The following CDK19 variants were observed in gnomAD, a reference collection of about 807,000 sequenced individuals.
The protein encoded by CDK19 is cyclin-dependent kinase 19.
In CDK19, 20 loss-of-function variants were observed where a neutral mutation model predicts 68.3. That is an observed-to-expected ratio of 0.29 (90% CI 0.21 to 0.43). The LOEUF (loss-of-function observed/expected upper bound fraction) is 0.43, where lower values mean the gene tolerates loss of function less well. CDK19 is among the 20% of genes least tolerant of loss of function. The probability of loss-of-function intolerance (pLI) is 1.00; values close to 1 mark genes in which losing one functional copy is unlikely to be tolerated. For missense variants in CDK19, 339 were observed against 623.5 expected, an observed-to-expected ratio of 0.54 and a Z score of 4.86; for synonymous variants, 221 against 222.8, an observed-to-expected ratio of 0.99 and a Z score of 0.07.
chr6:110,751,540 A>G (rs930931584), intron 1 of CDK19, among the ~76,000 whole-genome samples: 1 of 152,146 alleles, frequency 6.6e-6, no homozygotes, highest in African/African-American at 2.4e-5. Flanking sequence ...TATATACTAC[A>G]GTGTAATAAT....
chr6:110,647,739 C>G (rs1289256606), intron 4 of CDK19, among the ~76,000 whole-genome samples: 1 of 152,126 alleles, frequency 6.6e-6, no homozygotes, highest in African/African-American at 2.4e-5. Context: ...CAATATGATT[C>G]AAACACTGTC....
intron 1 of CDK19, among the ~76,000 whole-genome samples, chr6:110,804,598 G>A (rs892212102): frequency 8.0e-5 from 12 of 150,108 alleles, no homozygotes; most frequent in Admixed American, 1.3e-4. Flanking sequence ...CGCCCACCTC[G>A]GCCTCCCAAA....
intron 1 of CDK19, among the ~76,000 whole-genome samples, chr6:110,792,019 G>A (rs979383919): frequency 4.7e-5 from 7 of 150,484 alleles, no homozygotes; most frequent in Non-Finnish European, 1.5e-5. Context: ...TTGCCAGGCT[G>A]GAGTGCAGTG....
intron 12 of CDK19, among the ~76,000 whole-genome samples, chr6:110,620,207 T>C (rs1778617298): frequency 6.6e-6 from 1 of 152,126 alleles, no homozygotes; most frequent in African/African-American, 2.4e-5. Flanking sequence ...ATTCAAAATG[T>C]GAAGGCAGTT....
chr6:110,622,942 C>T (rs780368269), intron 9 of CDK19, 30 bp from the exon 10 acceptor site: 1 of 1,314,556 alleles, frequency 7.6e-7, no homozygotes, highest in Non-Finnish European at 1.1e-6. Context: ...ATGTACAGCA[C>T]ATGAAAAGGT....
intron 4 of CDK19, chr6:110,646,102 C>T (rs1490543383): frequency 1.1e-6 from 1 of 877,960 alleles, no homozygotes; most frequent in East Asian, 2.6e-5. Context: ...AAGCAAGGCA[C>T]CTCCTTCGAG....
rs371486591 is a variant in CDK19, at chr6:110,734,138, T to C, written c.204+11988A>G. 1.1e-3 allele frequency among the ~76,000 whole-genome samples: 164 copies of C among 152,216 alleles called. 3 individuals carry two copies. In the South Asian group the frequency reaches 0.033, roughly 30 times the overall value. On this transcript the variant is annotated intron_variant, in intron 2 of 12. Coordinates refer to ENST00000368911, the MANE Select transcript of CDK19 (RefSeq NM_015076.5). ...AATTCTCGTGCCTCAGCCTGCCAAG[T>C]AGCTGGGATTACAGGCACCCGCTAC...
intron 1 of CDK19, among the ~76,000 whole-genome samples, chr6:110,801,134 C>T (rs1472813596): frequency 2.6e-5 from 4 of 152,090 alleles, no homozygotes; most frequent in African/African-American, 7.2e-5. Context: ...AAAAATCAAT[C>T]GCATTTCTAT....
At position 110,708,078 on chromosome 6, in the gene CDK19, C is replaced by T. The variant is rs1289033899; in HGVS notation, c.205-37537G>A. 2.0e-5 allele frequency among the ~76,000 whole-genome samples: 3 copies of T among 152,142 alleles called. No individual in the cohort carries two copies. The East Asian group carries it at 5.8e-4, about 29-fold the overall frequency. ...GTGTGTACATCTGCATGATTAACTC[C>T]TTAAGATAAAAATACCCAAAAGAGG... On this transcript the variant is annotated intron_variant, in intron 2 of 12. Transcript: ENST00000368911.
chr6:110,779,808 G>T (rs1780666700), intron 1 of CDK19, among the ~76,000 whole-genome samples: 1 of 152,232 alleles, frequency 6.6e-6, no homozygotes, highest in East Asian at 1.9e-4. Flanking sequence ...AAGGAGGCTG[G>T]GCGCTGTGGC....
At chr6:110,732,181 A>G (rs1396624229) in intron 2 of CDK19, among the ~76,000 whole-genome samples, 1 of 151,912 alleles carries the variant, frequency 6.6e-6, no homozygotes, top group Non-Finnish European at 1.5e-5. Flanking sequence ...CTTCTCACCA[A>G]TTCCTCCATT....
At chr6:110,664,916 T>G (rs147568181) in intron 4 of CDK19, among the ~76,000 whole-genome samples, 3 of 152,178 alleles carry the variant, frequency 2.0e-5, no homozygotes, top group African/African-American at 7.2e-5. Flanking sequence ...ATAAGGGGTT[T>G]TAAGATAGGG....
chr6:110,773,052 A>T (rs1355115405), intron 1 of CDK19, among the ~76,000 whole-genome samples: 3 of 86,522 alleles, frequency 3.5e-5, no homozygotes, highest in African/African-American at 1.5e-4. Flanking sequence ...CCCGTCTCTT[A>T]AAAAAAAAAA....
Position 110,760,194 on chromosome 6 carries a change from G to A in CDK19, c.129-13993C>T, listed in dbSNP as rs193176093. ...GCAGATCACTTGAGGCCAGAAATTC[G>A]AGACTAGCCTGGCCAACATAGTGAA... is the stretch of plus-strand genomic sequence containing the variant. On this transcript the variant is annotated intron_variant, in intron 1 of 12. Transcript: ENST00000368911. Among the ~76,000 whole-genome samples the A allele has an allele frequency of 4.6e-5, 7 of 151,906 alleles. No individual in the cohort carries two copies. In the East Asian group the frequency reaches 1.4e-3, roughly 29 times the overall value.
At chr6:110,658,819 A>G (rs999839990) in intron 4 of CDK19, among the ~76,000 whole-genome samples, 2 of 152,188 alleles carry the variant, frequency 1.3e-5, no homozygotes, top group African/African-American at 4.8e-5. Flanking sequence ...GGGGGGAAAA[A>G]GAGGTTAAAG....
chr6:110,653,898 TA>T (rs1781135548), intron 4 of CDK19, among the ~76,000 whole-genome samples: 1 of 152,316 alleles, frequency 6.6e-6, no homozygotes, highest in East Asian at 1.9e-4. Flanking sequence ...TAGCACAGCC[TA>T]AAGATACACA....
chr6:110,790,858 A>G lies in CDK19; in HGVS notation c.128+24151T>C, dbSNP rs558736894. On this transcript the variant is annotated intron_variant, in intron 1 of 12. Transcript: ENST00000368911. ...GTTAAACAAATAAAGGTACATGTAT[A>G]CAGACTATAGTTATTAAAAATGTAG... 1.4e-3 allele frequency among the ~76,000 whole-genome samples: 213 copies of G among 152,210 alleles called. 2 individuals are homozygous for G. Among genetic ancestry groups the G allele is most frequent in the Non-Finnish European group, 2.5e-3 (173 of 67,980 alleles).
Position 110,626,796 on chromosome 6 carries a change from T to C in CDK19, c.840A>G (p.Gln280=), listed in dbSNP as rs1162008339. Residue 280 remains glutamine (Q), a synonymous_variant, in exon 8 of 13, where the codon CAA becomes CAG. Coordinates refer to ENST00000368911, the MANE Select transcript of CDK19 (RefSeq NM_015076.5). ...IRKMPEYPTL[Q]KDFRRTTYAN... ...CTTACGTTGTTCTTCTAAAGTCTTT[T>C]TGAAGTGTGGGATATTCTGGCATCT... 2.1e-5 allele frequency: 33 copies of C among 1,581,540 alleles called. No individual in the cohort carries two copies. Among genetic ancestry groups the C allele is most frequent in the Middle Eastern group, 1.7e-4 (1 of 5,996 alleles).
chr6:110,753,251 G>T (rs1778596545), intron 1 of CDK19, among the ~76,000 whole-genome samples: 1 of 151,914 alleles, frequency 6.6e-6, no homozygotes, highest in Non-Finnish European at 1.5e-5. Context: ...TCTTAAAAAT[G>T]ATCTTCATTA....
Sources: gnomAD v4.1 joint callset for allele counts (sites outside exome capture counted in the v4.1 genomes callset) on GRCh38, gnomAD v4.1.1 for gene constraint, MANE v1.5 for transcripts, NCBI Gene and HGNC (gene_info 2026-07-23, HGNC 2026-07-21) for gene names.